Variants in HPS5 observed in about 807,000 individuals in gnomAD.
HPS5 encodes HPS5 biogenesis of lysosomal organelles complex 2 subunit 2.
A neutral mutation model predicts 128.0 loss-of-function variants in HPS5; 83 were observed. The observed-to-expected ratio is 0.65, with a 90% CI of 0.54 to 0.78. HPS5 has a LOEUF of 0.78. Ranked by LOEUF, HPS5 falls within the 30% of genes least tolerant of loss-of-function variation. HPS5 has a pLI of 0.00. For missense variants in HPS5, 1,281 were observed against 1,326.2 expected, an observed-to-expected ratio of 0.97 and a Z score of 0.53; for synonymous variants, 475 against 470.2, an observed-to-expected ratio of 1.01 and a Z score of -0.13.
At chr11:18,319,518 GT>G (rs1341842198) in intron 1 of HPS5, among the ~76,000 whole-genome samples, 2 of 152,174 alleles carry the variant, frequency 1.3e-5, no homozygotes, top group Non-Finnish European at 2.9e-5. Context: ...TACAAATTTA[GT>G]CTTTGGTTGA....
rs142793392 is a variant in HPS5, at chr11:18,292,956, C to G, written c.1805G>C (p.Ser602Thr). The G allele has an allele frequency of 6.2e-7, 1 of 1,613,742 alleles. No homozygotes were observed. The highest frequency in any genetic ancestry group is 1.1e-5 in the South Asian group (1 of 91,072). ...GAACCTGTCTTCTTCTGGAGGTGGA[C>G]TAGTTACCTCTTTTTCCTCCCTAAA... ...EDTEEEKEVT[S>T]PPPEEDRFQE... Residue 602 changes from serine to threonine, a missense_variant, in exon 15 of 23, where the codon AGT (serine) becomes ACT (threonine). Transcript: ENST00000349215.
rs1321932778 is a variant in HPS5, at chr11:18,283,294, G to A, written c.3058+501C>T. Among the ~76,000 whole-genome samples, 4 of 149,240 alleles carry A rather than the reference G, an allele frequency of 2.7e-5. No individual in the cohort carries two copies. The South Asian group carries it at 8.5e-4, about 32-fold the overall frequency. Reference sequence around the variant, plus strand: ...TGGAATTACAAGCGTGAGCCACCGCGCCTGGCCAGAATCATCTTTAATTAA... The same window carrying A: ...TGGAATTACAAGCGTGAGCCACCGCACCTGGCCAGAATCATCTTTAATTAA... On this transcript the variant is annotated intron_variant, in intron 21 of 22. Transcript: ENST00000349215.
rs550524143 is a variant in HPS5 at position 18,313,744 on chromosome 11, T to C, written c.109-1720A>G. ...TCCTGGCCAATAAAGTGAAACCCCG[T>C]CTCTACTAAAAATACAAAAATTAGC... On this transcript the variant is annotated intron_variant, in intron 2 of 22. Transcript: ENST00000349215. 3.0e-4 allele frequency among the ~76,000 whole-genome samples: 46 copies of C among 152,098 alleles called. 2 individuals carry two copies. In the South Asian group the frequency reaches 8.7e-3, roughly 29 times the overall value.
At chr11:18,289,049 A>T (rs1860089721) in intron 16 of HPS5, among the ~76,000 whole-genome samples, 2 of 152,122 alleles carry the variant, frequency 1.3e-5, no homozygotes, top group Non-Finnish European at 2.9e-5. Flanking sequence ...CTGGGCAAGT[A>T]TTTTTCAACT....
chr11:18,282,031 T>C lies in HPS5; in HGVS notation c.3248A>G (p.Gln1083Arg). 2.5e-6 allele frequency: 4 copies of C among 1,614,226 alleles called. No homozygotes were observed. Among genetic ancestry groups the C allele is most frequent in the Non-Finnish European group, 2.5e-6 (3 of 1,180,032 alleles). The part of the protein sequence containing the change: ...MGPDRAWSLL[Q>R]ECGLALELSE... Reference sequence around the variant, plus strand: ...CAACTCAAGGGCCAGACCACATTCCTGTAGCAGTGACCAAGCCCGATCTGG... The same window carrying C: ...CAACTCAAGGGCCAGACCACATTCCCGTAGCAGTGACCAAGCCCGATCTGG... Residue 1083 changes from glutamine (Q) to arginine (R), a missense_variant, in exon 22 of 23, where the codon CAG (glutamine) becomes CGG (arginine). Coordinates refer to ENST00000349215, the MANE Select transcript of HPS5 (RefSeq NM_181507.2).
intron 8 of HPS5, among the ~76,000 whole-genome samples, chr11:18,301,739 A>G (rs1861737841): frequency 1.3e-5 from 2 of 152,164 alleles, no homozygotes; most frequent in East Asian, 1.9e-4. Flanking sequence ...GGCTCTGTCT[A>G]TATTACCTAA....
chr11:18,286,901 G>GA, intron 18 of HPS5, 191 bp from the exon 19 acceptor site: 4 of 573,104 alleles, frequency 7.0e-6, no homozygotes, highest in Admixed American at 3.7e-5. Flanking sequence ...ATGTCAAAGG[G>GA]CCAAAAAAGA....
intron 12 of HPS5, chr11:18,296,366 G>A (rs1383785631): frequency 1.4e-5 from 8 of 555,194 alleles, no homozygotes; most frequent in African/African-American, 3.8e-5. Context: ...AGTCAAAAAG[G>A]GAGTTTAGGA....
At chr11:18,288,942 A>G (rs746329665) in intron 16 of HPS5, among the ~76,000 whole-genome samples, 11 of 151,622 alleles carry the variant, frequency 7.3e-5, no homozygotes, top group Non-Finnish European at 1.5e-4. Flanking sequence ...GTGTGTGTTT[A>G]TATGTATGTG....
chr11:18,288,734 C>CTCTG (rs139551322), intron 16 of HPS5, among the ~76,000 whole-genome samples: 2,909 of 149,790 alleles, frequency 0.019, 96 homozygotes, highest in African/African-American at 0.068. Context: ...GAACTCCTGG[C>CTCTG]TGTGTGTGTG....
At chr11:18,285,206 C>A in intron 20 of HPS5, 140 bp downstream of exon 20, 6 of 522,160 alleles carry the variant, frequency 1.1e-5, no homozygotes, top group South Asian at 5.7e-5. Flanking sequence ...AATTTACTAT[C>A]ACTTAAAACA....
chr11:18,300,893 G>T lies in HPS5; in HGVS notation c.920C>A (p.Thr307Lys). 1 of 1,600,388 alleles carries T rather than the reference G, an allele frequency of 6.2e-7. No individual in the cohort carries two copies. The highest frequency in any genetic ancestry group is 8.6e-7 in the Non-Finnish European group (1 of 1,167,686). Residue 307 changes from threonine (T) to lysine (K), a missense_variant, in exon 9 of 23, where the codon ACA (threonine) becomes AAA (lysine). Coordinates refer to ENST00000349215, the MANE Select transcript of HPS5 (RefSeq NM_181507.2). ...AATGAAAATATAAATTCCTCTTTCT[G>T]TCCAAGTCAGCACACAATGCTCACT... ...HLSEHCVLTW[T>K]ERGIYIFIPQ... is the part of the protein sequence containing the mutation.
In HPS5 at chr11:18,310,922, A is replaced by G; in HGVS notation, c.296T>C (p.Val99Ala). 2 of 1,614,054 alleles carry G rather than the reference A, an allele frequency of 1.2e-6. No homozygotes were observed. The highest frequency in any genetic ancestry group is 2.2e-5 in the South Asian group (2 of 91,084). ...YVAVATSQGL[V>A]VVWELNQERR... ...CTCTTGATTTAATTCCCAAACAACCACAAGACCTTGACTGCAAGAATTGAG... is the reference window on the plus strand; with the variant it reads ...CTCTTGATTTAATTCCCAAACAACCGCAAGACCTTGACTGCAAGAATTGAG... Residue 99 changes from valine (V) to alanine (A), a missense_variant, in exon 5 of 23, where the codon GTG (valine) becomes GCG (alanine). Physicochemically the swap from Val to Ala is moderately conservative, Grantham distance 64 (BLOSUM62 0). Coordinates refer to ENST00000349215, the MANE Select transcript of HPS5 (RefSeq NM_181507.2).
At chr11:18,282,494 C>A (rs1859135297) in intron 21 of HPS5, among the ~76,000 whole-genome samples, 1 of 151,422 alleles carries the variant, frequency 6.6e-6, no homozygotes, top group Non-Finnish European at 1.5e-5. Flanking sequence ...TCTTAAACTC[C>A]TGAGCTCAAG....
At chr11:18,291,050 C>A (rs1398893945) in intron 16 of HPS5, among the ~76,000 whole-genome samples, 1 of 152,168 alleles carries the variant, frequency 6.6e-6, no homozygotes, top group South Asian at 2.1e-4. Context: ...AAAACCCTGT[C>A]TCTACTAAAA....
intron 1 of HPS5, among the ~76,000 whole-genome samples, chr11:18,319,250 AAATAC>A (rs1864005466): frequency 8.9e-6 from 1 of 112,218 alleles, no homozygotes; most frequent in Non-Finnish European, 1.8e-5. Context: ...AGGAAAAGAC[AAATAC>A]CACACACACA....
chr11:18,317,708 G>C (rs375331346), intron 2 of HPS5, 43 bp downstream of exon 2: 1 of 1,593,062 alleles, frequency 6.3e-7, no homozygotes, highest in Non-Finnish European at 8.6e-7. Context: ...CAGTAACAGA[G>C]AGCACGTGAA....
At chr11:18,282,517 C>T (rs573616209) in intron 21 of HPS5, among the ~76,000 whole-genome samples, 49 of 151,940 alleles carry the variant, frequency 3.2e-4, no homozygotes, top group South Asian at 3.1e-3. Flanking sequence ...AGCCTCCCAC[C>T]GCAGCCTCCC....
At chr11:18,306,034 G>C (rs1226621929) in intron 7 of HPS5, 101 bp downstream of exon 7, 1 of 921,420 alleles carries the variant, frequency 1.1e-6, no homozygotes, top group African/African-American at 1.6e-5. Context: ...GCCCAGCCAG[G>C]TATAATAAAA....
Sources: gnomAD v4.1 joint callset for allele counts (sites outside exome capture counted in the v4.1 genomes callset) on GRCh38, gnomAD v4.1.1 for gene constraint, MANE v1.5 for transcripts, NCBI Gene and HGNC (gene_info 2026-07-23, HGNC 2026-07-21) for gene names.